The following PDE10A variants were observed in gnomAD, a reference collection of about 807,000 sequenced individuals.
The protein encoded by PDE10A is cAMP and cAMP-inhibited cGMP 3',5'-cyclic phosphodiesterase 10A.
PDE10A carries 39 observed loss-of-function variants against 97.7 expected under a neutral mutation model. That is an observed-to-expected ratio of 0.40 (90% CI 0.31 to 0.52). PDE10A has a LOEUF of 0.52. PDE10A is among the 20% of genes least tolerant of loss of function. The probability of loss-of-function intolerance (pLI) is 0.56; values close to 1 mark genes in which losing one functional copy is unlikely to be tolerated. For missense variants in PDE10A, 731 were observed against 1,047.8 expected (o/e 0.70, Z 4.17); for synonymous variants, 371 against 376.8 (o/e 0.98, Z 0.18).
At chr6:165,597,564 A>G (rs537378365) in intron 1 of PDE10A, among the ~76,000 whole-genome samples, 96 of 152,356 alleles carry the variant, frequency 6.3e-4, no homozygotes, top group African/African-American at 2.3e-3. Context: ...AATGCGACCA[A>G]TAAATAGAAG....
intron 1 of PDE10A, among the ~76,000 whole-genome samples, chr6:165,719,078 T>C (rs139836093): frequency 2.5e-4 from 38 of 151,978 alleles, no homozygotes; most frequent in Non-Finnish European, 5.1e-4. Flanking sequence ...AAGTATAAAA[T>C]TGAAGAAATT....
intron 12 of PDE10A, among the ~76,000 whole-genome samples, chr6:165,415,255 T>C (rs1562443590): frequency 6.6e-6 from 1 of 152,206 alleles, no homozygotes; most frequent in Non-Finnish European, 1.5e-5. Flanking sequence ...CCTTAATTTA[T>C]TGACAATATA....
chr6:165,839,851 C>A (rs1562762452), intron 1 of PDE10A, among the ~76,000 whole-genome samples: 2 of 141,260 alleles, frequency 1.4e-5, no homozygotes, highest in Non-Finnish European at 3.1e-5. Context: ...CTTATCATCT[C>A]CATCCCTGTC....
At chr6:165,709,589 A>C (rs1403973294) in intron 1 of PDE10A, among the ~76,000 whole-genome samples, 8 of 16,582 alleles carry the variant, frequency 4.8e-4, no homozygotes, top group African/African-American at 8.5e-4. Flanking sequence ...CACACTCTCC[A>C]CCTCCATGCT....
chr6:165,650,912 A>G (rs1789654671), intron 1 of PDE10A, among the ~76,000 whole-genome samples: 1 of 152,000 alleles, frequency 6.6e-6, no homozygotes, highest in Non-Finnish European at 1.5e-5. Flanking sequence ...TACTTTTTGT[A>G]TTTTTAGTAG....
intron 1 of PDE10A, among the ~76,000 whole-genome samples, chr6:165,747,063 C>T: frequency 6.6e-6 from 1 of 151,984 alleles, no homozygotes; most frequent in Non-Finnish European, 1.5e-5. Flanking sequence ...TGAGACTATG[C>T]TATATCTTAG....
chr6:165,759,980 G>T (rs1403268985), intron 1 of PDE10A, among the ~76,000 whole-genome samples: 1 of 152,158 alleles, frequency 6.6e-6, no homozygotes, highest in Non-Finnish European at 1.5e-5. Flanking sequence ...GAACTCAGTT[G>T]CATGAATTGG....
chr6:165,866,698 A>G (rs1232294935), intron 1 of PDE10A, among the ~76,000 whole-genome samples: 1 of 151,556 alleles, frequency 6.6e-6, no homozygotes, highest in Non-Finnish European at 1.5e-5. Flanking sequence ...CAGTTCTTTC[A>G]TAAGAGAATA....
At chr6:165,947,481 C>T (rs995006644) in intron 1 of PDE10A, among the ~76,000 whole-genome samples, 1 of 152,030 alleles carries the variant, frequency 6.6e-6, no homozygotes, top group Non-Finnish European at 1.5e-5. Flanking sequence ...TTATTGATGG[C>T]CTTTTATTCT....
chr6:165,365,994 A>C (rs902568410), intron 18 of PDE10A, among the ~76,000 whole-genome samples: 2 of 152,196 alleles, frequency 1.3e-5, no homozygotes. Context: ...GGAAAAGTAC[A>C]GTTCAGGAAA....
chr6:165,550,519 C>T (rs1783959243), intron 1 of PDE10A, among the ~76,000 whole-genome samples: 1 of 152,028 alleles, frequency 6.6e-6, no homozygotes, highest in Non-Finnish European at 1.5e-5. Context: ...TGTGAGGGGG[C>T]TGTAATGCAT....
intron 1 of PDE10A, among the ~76,000 whole-genome samples, chr6:165,648,721 T>C (rs768876685): frequency 2.6e-5 from 4 of 152,202 alleles, no homozygotes; most frequent in Non-Finnish European, 4.4e-5. Flanking sequence ...TTCCTAACGA[T>C]GGCCCTCACA....
intron 1 of PDE10A, among the ~76,000 whole-genome samples, chr6:165,792,049 G>A (rs1583096359): frequency 6.6e-6 from 1 of 152,182 alleles, no homozygotes; most frequent in Non-Finnish European, 1.5e-5. Context: ...AGCCCAGCCT[G>A]CCTGCCGGTC....
chr6:165,914,538 T>C (rs934973735), intron 1 of PDE10A, among the ~76,000 whole-genome samples: 1 of 152,074 alleles, frequency 6.6e-6, no homozygotes, highest in East Asian at 1.9e-4. Context: ...GGGGGAAACA[T>C]GCAACAGCTG....
At chr6:165,956,184 T>C (rs1784130113) in intron 1 of PDE10A, among the ~76,000 whole-genome samples, 1 of 152,260 alleles carries the variant, frequency 6.6e-6, no homozygotes, top group African/African-American at 2.4e-5. Flanking sequence ...CAATTTCTAC[T>C]TAACTCTTAA....
chr6:165,917,798 G>A (rs1782648700), intron 1 of PDE10A, among the ~76,000 whole-genome samples: 1 of 152,100 alleles, frequency 6.6e-6, no homozygotes, highest in African/African-American at 2.4e-5. Context: ...CAGCTTAGGC[G>A]CCATCTCCTC....
chr6:165,510,303 T>C (rs1386372856), intron 2 of PDE10A, among the ~76,000 whole-genome samples: 1 of 151,962 alleles, frequency 6.6e-6, no homozygotes, highest in Non-Finnish European at 1.5e-5. Context: ...ATGGTTTTCG[T>C]CCTTCATTCA....
chr6:165,426,255 T>C (rs1403764939), intron 10 of PDE10A, among the ~76,000 whole-genome samples: 1 of 152,128 alleles, frequency 6.6e-6, no homozygotes, highest in Middle Eastern at 3.2e-3. Flanking sequence ...TCTTGAAAAG[T>C]TAGGGAACTC....
chr6:165,849,088 C>T (rs1464010936), intron 1 of PDE10A, among the ~76,000 whole-genome samples: 2 of 152,210 alleles, frequency 1.3e-5, no homozygotes, highest in African/African-American at 4.8e-5. Flanking sequence ...TCATGAAAAA[C>T]ACATTTTGAT....
Sources: gnomAD v4.1 joint callset for allele counts (sites outside exome capture counted in the v4.1 genomes callset) on GRCh38, gnomAD v4.1.1 for gene constraint, MANE v1.5 for transcripts, NCBI Gene and HGNC (gene_info 2026-07-23, HGNC 2026-07-21) for gene names.